ITGBL1: variants seen among roughly 807,000 people sequenced by gnomAD.
The protein encoded by ITGBL1 is integrin beta-like protein 1.
A neutral mutation model predicts 68.5 loss-of-function variants in ITGBL1; 51 were observed. That is an observed-to-expected ratio of 0.74 (90% CI 0.59 to 0.94). The LOEUF (loss-of-function observed/expected upper bound fraction) is 0.94, where lower values mean the gene tolerates loss of function less well. Ranked by LOEUF, ITGBL1 falls within the 40% of genes least tolerant of loss-of-function variation. The pLI, the probability that ITGBL1 is intolerant of heterozygous loss-of-function variation, is 0.00. For synonymous variants in ITGBL1, 209 were observed against 227.3 expected, an observed-to-expected ratio of 0.92 and a Z score of 0.72; for missense variants, 649 against 647.4, an observed-to-expected ratio of 1.00 and a Z score of -0.03.
intron 7 of ITGBL1, among the ~76,000 whole-genome samples, chr13:101,656,767 A>T (rs904022566): frequency 6.6e-6 from 1 of 152,156 alleles, no homozygotes; most frequent in African/African-American, 2.4e-5. Flanking sequence ...TTTCAAGAGT[A>T]TGTAATACAT....
At chr13:101,476,251 G>A (rs1006665016) in intron 2 of ITGBL1, among the ~76,000 whole-genome samples, 1 of 152,002 alleles carries the variant, frequency 6.6e-6, no homozygotes, top group Non-Finnish European at 1.5e-5. Context: ...GTTCATTTTT[G>A]CAATCAGTGT....
chr13:101,682,665 T>C (rs990950081), intron 7 of ITGBL1, among the ~76,000 whole-genome samples: 3 of 150,566 alleles, frequency 2.0e-5, no homozygotes, highest in Non-Finnish European at 4.4e-5. Flanking sequence ...TTTGCTCATT[T>C]ATTATTAGTT....
chr13:101,593,106 A>G (rs565951605), intron 6 of ITGBL1, among the ~76,000 whole-genome samples: 1 of 152,246 alleles, frequency 6.6e-6, no homozygotes, highest in Admixed American at 6.5e-5. Context: ...ATTAATAAAT[A>G]TTGCTCAAAA....
rs557488720 is a variant in ITGBL1 at position 101,579,701 on chromosome 13, A to T, written c.727+274A>T. Among the ~76,000 whole-genome samples, 31 of 152,332 alleles carry T rather than the reference A, an allele frequency of 2.0e-4. 1 individual carries two copies. Among genetic ancestry groups the T allele is most frequent in the Admixed American group, 2.0e-3 (30 of 15,300 alleles). On this transcript the variant is annotated intron_variant, in intron 5 of 10. Transcript: ENST00000376180. ...TGTAATTTCTTTGGCAGCCCTCCAG[A>T]CATAGCACAGTGCAGCTAAAAGGCA...
intron 3 of ITGBL1, among the ~76,000 whole-genome samples, chr13:101,572,731 G>A (rs1377668428): frequency 1.3e-5 from 2 of 152,108 alleles, no homozygotes; most frequent in Non-Finnish European, 2.9e-5. Context: ...AGCCGGGAAT[G>A]TTTCCGATGT....
chr13:101,568,797 A>C (rs2050222376), intron 3 of ITGBL1, among the ~76,000 whole-genome samples: 1 of 152,050 alleles, frequency 6.6e-6, no homozygotes, highest in African/African-American at 2.4e-5. Flanking sequence ...TGATTGCAAC[A>C]GATTGTGTGT....
rs1187553158 is a variant in ITGBL1, at chr13:101,687,826, TTCTG to T, written c.1016-4753_1016-4750del. ...CTCACACAGTTATTTCTATGCTCCTTTCTGTCTGTTTCTGAATTGTCTTCTTGCA... is the reference window on the plus strand; with the variant it reads ...CTCACACAGTTATTTCTATGCTCCTTTCTGTTTCTGAATTGTCTTCTTGCA... On this transcript the variant is annotated intron_variant, in intron 7 of 10. Transcript: ENST00000376180. Among the ~76,000 whole-genome samples, 6 of 152,256 alleles carry T rather than the reference TTCTG, an allele frequency of 3.9e-5. No homozygotes were observed. The East Asian group carries it at 9.6e-4, about 24-fold the overall frequency.
At chr13:101,678,209 C>T (rs2033552437) in intron 7 of ITGBL1, among the ~76,000 whole-genome samples, 1 of 152,076 alleles carries the variant, frequency 6.6e-6, no homozygotes, top group Admixed American at 6.5e-5. Flanking sequence ...TGTGTAAACT[C>T]GTATGTATGC....
At chr13:101,468,875 A>G (rs1005742654) in intron 2 of ITGBL1, among the ~76,000 whole-genome samples, 4 of 152,206 alleles carry the variant, frequency 2.6e-5, no homozygotes, top group African/African-American at 7.2e-5. Context: ...ATTGCATTTA[A>G]CATCAACCAT....
In ITGBL1 at chr13:101,563,624, A is replaced by G. The variant is rs373397868; in HGVS notation, c.317-4075A>G. ...AAAGAAATAGATGACTTGAATAGCC[A>G]ATATTGGTCAAGCAAAGTGAATCAT... On this transcript the variant is annotated intron_variant, in intron 2 of 10. Coordinates refer to ENST00000376180, the MANE Select transcript of ITGBL1 (RefSeq NM_004791.3). Among the ~76,000 whole-genome samples the G allele has an allele frequency of 8.6e-5, 13 of 151,996 alleles. 1 individual carries two copies. The East Asian group carries it at 1.4e-3, about 16-fold the overall frequency.
chr13:101,520,334 T>TA (rs1201834020), intron 2 of ITGBL1, among the ~76,000 whole-genome samples: 4 of 152,250 alleles, frequency 2.6e-5, no homozygotes, highest in African/African-American at 9.6e-5. Flanking sequence ...TCTCTTTTTT[T>TA]AACCAATTAT....
chr13:101,462,187 T>C (rs1441675067), intron 2 of ITGBL1, among the ~76,000 whole-genome samples: 1 of 152,158 alleles, frequency 6.6e-6, no homozygotes, highest in South Asian at 2.1e-4. Context: ...TCCCAGAGCC[T>C]CTTCCATCAT....
At chr13:101,622,842 T>TC (rs1313754646) in intron 7 of ITGBL1, among the ~76,000 whole-genome samples, 1 of 151,808 alleles carries the variant, frequency 6.6e-6, no homozygotes, top group Non-Finnish European at 1.5e-5. Context: ...AGTTCTAGGT[T>TC]CCCCAGCACT....
chr13:101,557,462 T>C (rs1163560769), intron 2 of ITGBL1, among the ~76,000 whole-genome samples: 2 of 152,236 alleles, frequency 1.3e-5, no homozygotes, highest in Non-Finnish European at 2.9e-5. Context: ...GTCAAGTTTC[T>C]ATTTCAAACC....
At chr13:101,499,225 G>C (rs926750633) in intron 2 of ITGBL1, among the ~76,000 whole-genome samples, 11 of 152,148 alleles carry the variant, frequency 7.2e-5, no homozygotes, top group African/African-American at 2.7e-4. Flanking sequence ...TGCAGCTTCA[G>C]ACTCCTGCAT....
intron 2 of ITGBL1, among the ~76,000 whole-genome samples, chr13:101,487,893 G>A (rs1056125207): frequency 9.9e-5 from 15 of 152,158 alleles, no homozygotes; most frequent in African/African-American, 2.9e-4. Flanking sequence ...ATGATGCTCC[G>A]AAGACAGGAA....
At chr13:101,679,832 G>C (rs1423382285) in intron 7 of ITGBL1, among the ~76,000 whole-genome samples, 1 of 152,132 alleles carries the variant, frequency 6.6e-6, no homozygotes, top group Non-Finnish European at 1.5e-5. Context: ...AGTGTGGCCT[G>C]GCGCTTCTCT....
At chr13:101,513,757 CCAA>C (rs1407145795) in intron 2 of ITGBL1, among the ~76,000 whole-genome samples, 1 of 151,948 alleles carries the variant, frequency 6.6e-6, no homozygotes, top group African/African-American at 2.4e-5. Context: ...CTGAAATTGA[CCAA>C]CAAGTAATGA....
In ITGBL1 at chr13:101,675,833, C is replaced by G. The variant is rs143849265; in HGVS notation, c.1016-16752C>G. ...ATACAATTTCAAGTCCAATGTATCT[C>G]TTATGCTCCTTTCCCCAATTCTTTT... On this transcript the variant is annotated intron_variant, in intron 7 of 10. Coordinates refer to ENST00000376180, the MANE Select transcript of ITGBL1 (RefSeq NM_004791.3). Among the ~76,000 whole-genome samples, 303 of 152,230 alleles carry G rather than the reference C, an allele frequency of 2.0e-3. 1 individual carries two copies. Among genetic ancestry groups the G allele is most frequent in the African/African-American group, 7.0e-3 (290 of 41,572 alleles).
Sources: gnomAD v4.1 joint callset for allele counts (sites outside exome capture counted in the v4.1 genomes callset) on GRCh38, gnomAD v4.1.1 for gene constraint, MANE v1.5 for transcripts, NCBI Gene and HGNC (gene_info 2026-07-23, HGNC 2026-07-21) for gene names.